Variants in MOB3B observed in about 807,000 individuals in gnomAD.
MOB3B encodes MOB kinase activator 3B.
A neutral mutation model predicts 18.7 loss-of-function variants in MOB3B; 7 were observed. The observed-to-expected ratio is 0.37, with a 90% CI of 0.21 to 0.70. The LOEUF (loss-of-function observed/expected upper bound fraction) is 0.70, where lower values mean the gene tolerates loss of function less well. MOB3B is among the 30% of genes least tolerant of loss of function. The probability of loss-of-function intolerance (pLI) is 0.52; values close to 1 mark genes in which losing one functional copy is unlikely to be tolerated. For synonymous variants in MOB3B, 111 were observed against 99.9 expected, an observed-to-expected ratio of 1.11 and a Z score of -0.66; for missense variants, 253 against 281.3, an observed-to-expected ratio of 0.90 and a Z score of 0.72.
At chr9:27,524,795 G>C in intron 1 of MOB3B, 1 of 1,613,996 alleles carries the variant, frequency 6.2e-7, no homozygotes, top group African/African-American at 1.3e-5. Context: ...CAGAAGCCAG[G>C]GTCCCCCAGC....
At chr9:27,340,940 C>T (rs1412816543) in intron 3 of MOB3B, among the ~76,000 whole-genome samples, 1 of 152,200 alleles carries the variant, frequency 6.6e-6, no homozygotes, top group Non-Finnish European at 1.5e-5. Flanking sequence ...CTGCTGCTGC[C>T]CCTTGTTCTG....
At chr9:27,402,196 G>A (rs1039493733) in intron 2 of MOB3B, among the ~76,000 whole-genome samples, 3 of 152,086 alleles carry the variant, frequency 2.0e-5, no homozygotes, top group East Asian at 1.9e-4. Context: ...GTCAATAAAC[G>A]GTAAACATTT....
intron 1 of MOB3B, among the ~76,000 whole-genome samples, chr9:27,506,535 CTTT>C (rs5897235): frequency 3.6e-5 from 5 of 138,226 alleles, no homozygotes; most frequent in Admixed American, 7.2e-5. Context: ...CTTATTTAAT[CTTT>C]TTTTTTTTTT....
chr9:27,517,418 G>A (rs1346196767), intron 1 of MOB3B, among the ~76,000 whole-genome samples: 2 of 152,032 alleles, frequency 1.3e-5, no homozygotes, highest in Non-Finnish European at 2.9e-5. Context: ...TTGGGAGGCC[G>A]AGGTAGATTA....
At chr9:27,492,817 G>T (rs987142131) in intron 1 of MOB3B, among the ~76,000 whole-genome samples, 2 of 152,200 alleles carry the variant, frequency 1.3e-5, no homozygotes, top group African/African-American at 4.8e-5. Flanking sequence ...GGGTACTGCA[G>T]GGGAAAGGGC....
At chr9:27,475,280 A>AT (rs1346920226) in intron 1 of MOB3B, among the ~76,000 whole-genome samples, 3 of 152,236 alleles carry the variant, frequency 2.0e-5, no homozygotes, top group African/African-American at 7.2e-5. Flanking sequence ...TCAAACCTTG[A>AT]TACAGCTGCA....
At chr9:27,338,792 A>C (rs576440343) in intron 3 of MOB3B, among the ~76,000 whole-genome samples, 2 of 152,250 alleles carry the variant, frequency 1.3e-5, no homozygotes, top group African/African-American at 4.8e-5. Flanking sequence ...CTAGAATCCA[A>C]ATAGCTGTAT....
At chr9:27,528,473 G>T (rs1013026360) in intron 1 of MOB3B, among the ~76,000 whole-genome samples, 5 of 152,248 alleles carry the variant, frequency 3.3e-5, no homozygotes, top group African/African-American at 1.2e-4. Context: ...CTGGGCCACA[G>T]GCAGCAGCGG....
intron 2 of MOB3B, among the ~76,000 whole-genome samples, chr9:27,446,872 G>A (rs62541582): frequency 0.14 from 21,130 of 152,128 alleles, 1,833 homozygotes; most frequent in Middle Eastern, 0.22. Flanking sequence ...TAACACTTCT[G>A]TTCCTTTTAA....
rs114409032 is a variant in MOB3B at position 27,503,868 on chromosome 9, A to G, written c.-199+25687T>C. Among the ~76,000 whole-genome samples the G allele has an allele frequency of 3.0e-3, 457 of 152,290 alleles. 4 individuals are homozygous for G. Among genetic ancestry groups the G allele is most frequent in the African/African-American group, 0.011 (444 of 41,566 alleles). ...CAGCCAATGACTGGCTGATGGAGAA[A>G]CATAAAGGCCTTGCCCCCTTGCCTT... On this transcript the variant is annotated intron_variant, in intron 1 of 3. Coordinates refer to ENST00000262244, the MANE Select transcript of MOB3B (RefSeq NM_024761.5).
At chr9:27,376,327 A>C (rs1002741283) in intron 2 of MOB3B, among the ~76,000 whole-genome samples, 1 of 152,248 alleles carries the variant, frequency 6.6e-6, no homozygotes, top group Non-Finnish European at 1.5e-5. Context: ...TACATTTTAC[A>C]TTAAGAGTTC....
At chr9:27,414,297 T>C (rs1822115014) in intron 2 of MOB3B, among the ~76,000 whole-genome samples, 2 of 152,232 alleles carry the variant, frequency 1.3e-5, no homozygotes, top group Non-Finnish European at 2.9e-5. Flanking sequence ...CATTCATCTT[T>C]CAGTGTTCAG....
chr9:27,475,839 C>T lies in MOB3B; in HGVS notation c.-198-20091G>A, dbSNP rs184617571. Among the ~76,000 whole-genome samples the T allele has an allele frequency of 3.9e-5, 6 of 152,322 alleles. No individual in the cohort carries two copies. In the East Asian group the frequency reaches 9.6e-4, roughly 24 times the overall value. On this transcript the variant is annotated intron_variant, in intron 1 of 3. Transcript: ENST00000262244. The stretch of plus-strand genomic sequence containing the variant: ...CCTCCACCACAACTACTCTTGTCCA[C>T]ACCACCAGATTCTCTCTCTTTACAG...
At chr9:27,522,422 T>C (rs1587277527) in intron 1 of MOB3B, among the ~76,000 whole-genome samples, 1 of 10,096 alleles carries the variant, frequency 9.9e-5, no homozygotes, top group South Asian at 2.9e-3. Context: ...CATTTTTTCA[T>C]ATATATATAT....
chr9:27,335,722 G>T (rs868656926), intron 3 of MOB3B, among the ~76,000 whole-genome samples: 2 of 151,922 alleles, frequency 1.3e-5, no homozygotes, highest in African/African-American at 4.8e-5. Context: ...ACCCTTTAAC[G>T]CTCTTGACCA....
intron 2 of MOB3B, among the ~76,000 whole-genome samples, chr9:27,440,800 A>G (rs1822582716): frequency 6.6e-6 from 1 of 152,098 alleles, no homozygotes; most frequent in Non-Finnish European, 1.5e-5. Flanking sequence ...AGGAGACCAC[A>G]TAACTGTGAA....
intron 2 of MOB3B, among the ~76,000 whole-genome samples, chr9:27,369,888 C>A (rs1159823918): frequency 6.6e-6 from 1 of 152,026 alleles, no homozygotes; most frequent in African/African-American, 2.4e-5. Context: ...TATCATAACA[C>A]CCGCTGCTTC....
In MOB3B at chr9:27,435,328, C is replaced by T. The variant is rs1822482753; in HGVS notation, c.418+19805G>A. On this transcript the variant is annotated intron_variant, in intron 2 of 3. Transcript: ENST00000262244. ...TTCTCTGGGGTTTTCCCCATGTGTA[C>T]ATAAAGTATACATGTTTATAAACTT... Among the ~76,000 whole-genome samples the T allele has an allele frequency of 3.3e-5, 5 of 152,240 alleles. No individual in the cohort carries two copies. In the South Asian group the frequency reaches 8.3e-4, roughly 25 times the overall value.
At chr9:27,345,120 T>C (rs1285997876) in intron 3 of MOB3B, among the ~76,000 whole-genome samples, 1 of 152,200 alleles carries the variant, frequency 6.6e-6, no homozygotes, top group Non-Finnish European at 1.5e-5. Context: ...ATGACCACTG[T>C]CTTGTCGTCT....
Sources: allele counts gnomAD v4.1 joint callset (sites outside exome capture counted in the v4.1 genomes callset), GRCh38; gene constraint gnomAD v4.1.1; transcripts MANE v1.5; gene names NCBI Gene and HGNC (gene_info 2026-07-23, HGNC 2026-07-21).